Variants in DGKA observed in about 807,000 individuals in gnomAD.
DGKA encodes the protein diacylglycerol kinase alpha.
DGKA carries 35 observed loss-of-function variants against 105.0 expected under a neutral mutation model. The observed-to-expected ratio is 0.33, with a 90% CI of 0.25 to 0.44. The LOEUF is 0.44. DGKA is among the 20% of genes least tolerant of loss of function. The probability of loss-of-function intolerance (pLI) is 1.00; values close to 1 mark genes in which losing one functional copy is unlikely to be tolerated. For missense variants in DGKA, 665 were observed against 915.0 expected, an observed-to-expected ratio of 0.73 and a Z score of 3.53; for synonymous variants, 296 against 332.0, an observed-to-expected ratio of 0.89 and a Z score of 1.18.
chr12:55,953,261 A>T, intron 22 of DGKA, 89 bp from the exon 23 acceptor site: 1 of 1,610,952 alleles, frequency 6.2e-7, no homozygotes, highest in Non-Finnish European at 8.5e-7. Flanking sequence ...ATCTCCCTCA[A>T]TGACAAAAGG....
upstream of DGKA, chr12:55,927,480 G>A (rs1350101434): frequency 4.3e-6 from 3 of 693,750 alleles, no homozygotes; most frequent in Non-Finnish European, 5.1e-6. Context: ...TATAAATGAA[G>A]AAAGGAAGAA....
rs1460543367 is a variant in DGKA at position 55,952,005 on chromosome 12, G to T, written c.1588-30G>T. On this transcript the variant is annotated intron_variant, in intron 18 of 23. Coordinates refer to ENST00000331886, the MANE Select transcript of DGKA (RefSeq NM_001345.5). This position sits in a 1 kb window ranked among gnomAD's most constrained non-coding sequence, Gnocchi z 5.1. ...GACCGGGAGGGAGAGATTGAGCTCT[G>T]TACTGACCTTCATGTCCCGAACTCT... The T allele has an allele frequency of 6.2e-7, 1 of 1,613,052 alleles. No homozygotes were observed. The highest frequency in any genetic ancestry group is 8.5e-7 in the Non-Finnish European group (1 of 1,179,396).
chr12:55,953,659 T>A lies in DGKA; in HGVS notation c.2125-26T>A, dbSNP rs1592759657. 5 of 1,608,956 alleles carry A rather than the reference T, an allele frequency of 3.1e-6. No individual in the cohort carries two copies. The East Asian group carries it at 1.1e-4, about 36-fold the overall frequency. On this transcript the variant is annotated intron_variant, in intron 23 of 23. Transcript: ENST00000331886. ...CAGCCCCAAAGTATCAGGTCCTGCC[T>A]CTGAATGTGCTCCCTTCCCTTCCAG... is the stretch of plus-strand genomic sequence containing the variant.
intron 1 of DGKA, chr12:55,935,801 A>AG: frequency 2.3e-6 from 2 of 881,020 alleles, no homozygotes; most frequent in Non-Finnish European, 2.7e-6. Flanking sequence ...GGCCGGGGCT[A>AG]GGGACCTTGC....
At chr12:55,927,585 A>C, upstream of DGKA, 1 of 1,115,000 alleles carries the variant, frequency 9.0e-7, no homozygotes. Flanking sequence ...AAGTGTTTCT[A>C]GGGACGGTTG....
intron 17 of DGKA, among the ~76,000 whole-genome samples, chr12:55,950,314 T>C (rs1316039014): frequency 1.3e-5 from 2 of 150,270 alleles, no homozygotes; most frequent in African/African-American, 4.9e-5. Flanking sequence ...TTATTTTATT[T>C]TTTATTTTTT....
Position 55,952,544 on chromosome 12 carries a change from C to A in DGKA, c.1743+113C>A. The stretch of plus-strand genomic sequence containing the variant: ...TATTCTTGAACCTATGCTTCTTTAA[C>A]CTCCCAGCTCTCCTACCCCAATTCT... On this transcript the variant is annotated intron_variant, in intron 20 of 23. Coordinates refer to ENST00000331886, the MANE Select transcript of DGKA (RefSeq NM_001345.5). The surrounding 1 kb of genome is among the most constrained non-coding windows in gnomAD (Gnocchi z 5.1). 8.0e-7 allele frequency: 1 copy of A among 1,244,186 alleles called. No individual in the cohort carries two copies. The highest frequency in any genetic ancestry group is 1.2e-6 in the Non-Finnish European group (1 of 856,622). The allele number at this position is 1,244,186 out of a possible 1,614,324, so 77.1% of individuals were successfully genotyped here. A position where few individuals can be genotyped will look rare whatever the true frequency, so the allele number is the denominator to read the frequency against.
At position 55,942,252 on chromosome 12, in the gene DGKA, G is replaced by A; in HGVS notation, c.1415G>A (p.Arg472Lys). The A allele has an allele frequency of 6.2e-7, 1 of 1,614,230 alleles. No individual in the cohort carries two copies. The highest frequency in any genetic ancestry group is 8.5e-7 in the Non-Finnish European group (1 of 1,180,028). The change falls in exon 17 of 24, where the codon AGA becomes AAA. Residue 472 changes from arginine to lysine, a missense_variant. Coordinates refer to ENST00000331886, the MANE Select transcript of DGKA (RefSeq NM_001345.5). ...GGAAATGATCTGGCTCGATGCCTAA[G>A]ATGGGGAGGAGGTAAGTGGTTAGAA... Reference protein sequence around the residue: ...GTGNDLARCLRWGGGYEGQNL... With the variant: ...GTGNDLARCLKWGGGYEGQNL...
At chr12:55,938,095 A>G (rs1276375290) in intron 5 of DGKA, 43 bp downstream of exon 5, 1 of 1,546,224 alleles carries the variant, frequency 6.5e-7, no homozygotes. Context: ...CAGTGAAGGG[A>G]GAGAGAGGTG....
Position 55,951,677 on chromosome 12 carries a change from T to C in DGKA, c.1481T>C (p.Val494Ala). 2 of 1,613,890 alleles carry C rather than the reference T, an allele frequency of 1.2e-6. No individual in the cohort carries two copies. Among genetic ancestry groups the C allele is most frequent in the East Asian group, 2.2e-5 (1 of 44,846 alleles). ...CTCAAGGATTTAGAGATGAGTAAAG[T>C]GGTACATATGGATCGATGGTCTGTG... is the stretch of plus-strand genomic sequence containing the variant. The part of the protein sequence containing the change: ...KILKDLEMSK[V>A]VHMDRWSVEV... The change falls in exon 18 of 24, where the codon GTG becomes GCG. Residue 494 changes from valine to alanine, a missense_variant. By Grantham distance (64) the Val-to-Ala change is moderately conservative. Coordinates refer to ENST00000331886, the MANE Select transcript of DGKA (RefSeq NM_001345.5).
upstream of DGKA, chr12:55,927,903 G>T: frequency 1.8e-6 from 2 of 1,114,098 alleles, no homozygotes; most frequent in Non-Finnish European, 2.5e-6. Context: ...GTGCCTCCTC[G>T]GGCTGGGCCC....
rs902721567 is a variant in DGKA, at chr12:55,952,641, G to C, written c.1744-93G>C. 2 of 1,448,974 alleles carry C rather than the reference G, an allele frequency of 1.4e-6. No homozygotes were observed. Among genetic ancestry groups the C allele is most frequent in the Admixed American group, 3.4e-5 (2 of 58,372 alleles). The allele number at this position is 1,448,974 out of a possible 1,614,324, so 89.8% of individuals were successfully genotyped here. On this transcript the variant is annotated intron_variant, in intron 20 of 23. Coordinates refer to ENST00000331886, the MANE Select transcript of DGKA (RefSeq NM_001345.5). The surrounding 1 kb of genome is among the most constrained non-coding windows in gnomAD (Gnocchi z 5.1). ...CTCCAAATCCTGCCTTCTCCAGTTT[G>C]TCATCTGGTGGAGGGAGCGATCACA... is the stretch of plus-strand genomic sequence containing the variant.
At chr12:55,948,443 A>T (rs375968106) in intron 17 of DGKA, among the ~76,000 whole-genome samples, 2 of 146,552 alleles carry the variant, frequency 1.4e-5, no homozygotes, top group Non-Finnish European at 3.0e-5. Context: ...AAACTATTCA[A>T]ATAGCTGAAC....
rs768135286 is a variant in DGKA at position 55,941,284 on chromosome 12, C to G, written c.1134C>G (p.Leu378=). ...CTGTTCCTAACACCCACCCACTTCT[C>G]GTCTTTGTCAATCCTAAGAGTGGCG... is the stretch of plus-strand genomic sequence containing the variant. ...IDPVPNTHPL[L]VFVNPKSGGK... is the part of the protein sequence containing the mutation. Residue 378 remains leucine, a synonymous_variant, in exon 14 of 24, where the codon CTC becomes CTG. Coordinates refer to ENST00000331886, the MANE Select transcript of DGKA (RefSeq NM_001345.5). The G allele has an allele frequency of 6.2e-7, 1 of 1,613,744 alleles. No homozygotes were observed. The highest frequency in any genetic ancestry group is 8.5e-7 in the Non-Finnish European group (1 of 1,179,710).
chr12:55,939,084 C>T, intron 7 of DGKA, 95 bp downstream of exon 7: 3 of 1,607,078 alleles, frequency 1.9e-6, no homozygotes, highest in South Asian at 1.1e-5. Context: ...AACCTGGTTC[C>T]CTTGGCTAGG....
In DGKA at chr12:55,940,862, C is replaced by T; in HGVS notation, c.1018-35C>T. On this transcript the variant is annotated intron_variant, in intron 12 of 23. Coordinates refer to ENST00000331886, the MANE Select transcript of DGKA (RefSeq NM_001345.5). The surrounding 1 kb of genome is among the most constrained non-coding windows in gnomAD (Gnocchi z 4.3). ...TCTATTTAGGGATTCATGCACAATACAGCTTTTCTTCCCTCTACTTTCTTC... is the reference window on the plus strand; with the variant it reads ...TCTATTTAGGGATTCATGCACAATATAGCTTTTCTTCCCTCTACTTTCTTC... The T allele has an allele frequency of 6.2e-7, 1 of 1,608,816 alleles. No homozygotes were observed. Among genetic ancestry groups the T allele is most frequent in the Non-Finnish European group, 8.5e-7 (1 of 1,175,512 alleles).
Position 55,940,216 on chromosome 12 carries a change from C to T in DGKA, c.798+46C>T. Reference sequence around the variant, plus strand: ...ACCCCCAACATCACCTACATCCTGGCCCTGGCCCTGGCCCTTGGCCCATTG... The same window carrying T: ...ACCCCCAACATCACCTACATCCTGGTCCTGGCCCTGGCCCTTGGCCCATTG... On this transcript the variant is annotated intron_variant, in intron 10 of 23. Transcript: ENST00000331886. This position sits in a 1 kb window ranked among gnomAD's most constrained non-coding sequence, Gnocchi z 4.3. 1 of 1,613,146 alleles carries T rather than the reference C, an allele frequency of 6.2e-7. No homozygotes were observed. The highest frequency in any genetic ancestry group is 1.3e-5 in the African/African-American group (1 of 75,044).
chr12:55,934,889 C>G (rs1884337873), intron 1 of DGKA, among the ~76,000 whole-genome samples: 1 of 152,178 alleles, frequency 6.6e-6, no homozygotes, highest in Non-Finnish European at 1.5e-5. Flanking sequence ...GTATCCCAGG[C>G]AGACAGAACA....
chr12:55,946,197 T>C (rs563464517), intron 17 of DGKA, among the ~76,000 whole-genome samples: 26 of 146,510 alleles, frequency 1.8e-4, no homozygotes, highest in African/African-American at 6.3e-4. Flanking sequence ...TGAGAGGGAG[T>C]TTTGCTCTTG....
Sources: gnomAD v4.1 joint callset for allele counts (sites outside exome capture counted in the v4.1 genomes callset) on GRCh38, gnomAD v4.1.1 for gene constraint, Gnocchi (gnomAD v3.1) non-coding constraint, MANE v1.5 for transcripts, NCBI Gene and HGNC (gene_info 2026-07-23, HGNC 2026-07-21) for gene names.